PIP4K2A: variants seen among roughly 807,000 people sequenced by gnomAD.
The protein encoded by PIP4K2A is phosphatidylinositol 5-phosphate 4-kinase type-2 alpha.
PIP4K2A carries 14 observed loss-of-function variants against 42.9 expected under a neutral mutation model. The observed-to-expected ratio is 0.33, with a 90% CI of 0.22 to 0.51. The LOEUF is 0.51. Among genes scored for constraint, PIP4K2A ranks in the 20% least tolerant of loss-of-function variants. The pLI is 0.97. For synonymous variants in PIP4K2A, 192 were observed against 192.2 expected, an observed-to-expected ratio of 1.00 and a Z score of 0.01; for missense variants, 434 against 519.8, an observed-to-expected ratio of 0.83 and a Z score of 1.61.
At chr10:22,681,191 CTT>C (rs1839654576) in intron 1 of PIP4K2A, among the ~76,000 whole-genome samples, 1 of 152,208 alleles carries the variant, frequency 6.6e-6, no homozygotes, top group African/African-American at 2.4e-5. Context: ...GGATTTCACT[CTT>C]TTAAAGATTC....
chr10:22,669,397 G>A (rs185685284), intron 1 of PIP4K2A, among the ~76,000 whole-genome samples: 88 of 152,000 alleles, frequency 5.8e-4, no homozygotes, highest in Admixed American at 1.6e-3. Flanking sequence ...CAACGTAATC[G>A]CCTAACAACA....
intron 1 of PIP4K2A, among the ~76,000 whole-genome samples, chr10:22,710,438 G>A (rs970164065): frequency 6.6e-6 from 1 of 152,220 alleles, no homozygotes; most frequent in African/African-American, 2.4e-5. Context: ...CCAATCCCAA[G>A]TGGAATCCTT....
At chr10:22,695,816 T>A (rs889459081) in intron 1 of PIP4K2A, among the ~76,000 whole-genome samples, 1 of 152,184 alleles carries the variant, frequency 6.6e-6, no homozygotes, top group Non-Finnish European at 1.5e-5. Context: ...TGTTTTACTG[T>A]ATTGGTGCTT....
chr10:22,654,725 G>C (rs1329229200), intron 1 of PIP4K2A, among the ~76,000 whole-genome samples: 1 of 152,154 alleles, frequency 6.6e-6, no homozygotes, highest in Admixed American at 6.5e-5. Flanking sequence ...GTATAATTCT[G>C]GGCAGTTAAC....
At chr10:22,698,047 C>A (rs1840005711) in intron 1 of PIP4K2A, among the ~76,000 whole-genome samples, 1 of 152,154 alleles carries the variant, frequency 6.6e-6, no homozygotes, top group South Asian at 2.1e-4. Context: ...GGGATGCAGG[C>A]ACTCTCTGCT....
intron 1 of PIP4K2A, among the ~76,000 whole-genome samples, chr10:22,623,621 G>T (rs989613246): frequency 6.6e-6 from 1 of 152,180 alleles, no homozygotes; most frequent in Admixed American, 6.5e-5. Context: ...GGCAGGGGAC[G>T]TCCGTGCACT....
chr10:22,649,168 G>C (rs888937600), intron 1 of PIP4K2A, among the ~76,000 whole-genome samples: 8 of 152,120 alleles, frequency 5.3e-5, no homozygotes, highest in Non-Finnish European at 1.0e-4. Context: ...TCTCTAGAAG[G>C]CTTCGCCAGA....
At chr10:22,553,411 T>C (rs1474228741) in intron 6 of PIP4K2A, among the ~76,000 whole-genome samples, 4 of 152,196 alleles carry the variant, frequency 2.6e-5, no homozygotes, top group Non-Finnish European at 5.9e-5. Context: ...CTCCAGCCTG[T>C]TTCCATAGAT....
At chr10:22,563,665 T>C (rs1371019742) in intron 6 of PIP4K2A, among the ~76,000 whole-genome samples, 1 of 152,166 alleles carries the variant, frequency 6.6e-6, no homozygotes, top group Non-Finnish European at 1.5e-5. Flanking sequence ...TGTGGCATAG[T>C]GGTTAGAAAT....
At chr10:22,682,362 A>T (rs1369233405) in intron 1 of PIP4K2A, among the ~76,000 whole-genome samples, 2 of 152,226 alleles carry the variant, frequency 1.3e-5, no homozygotes, top group East Asian at 3.8e-4. Flanking sequence ...GGTAGCCCTC[A>T]AACCTCAAGT....
chr10:22,580,967 T>G (rs1398518579), intron 4 of PIP4K2A, among the ~76,000 whole-genome samples: 1 of 152,278 alleles, frequency 6.6e-6, no homozygotes, highest in African/African-American at 2.4e-5. Flanking sequence ...TGCAGACACT[T>G]TGAAGTCCCA....
At chr10:22,699,482 T>C (rs2040111261) in intron 1 of PIP4K2A, among the ~76,000 whole-genome samples, 1 of 151,634 alleles carries the variant, frequency 6.6e-6, no homozygotes, top group African/African-American at 2.4e-5. Context: ...CTGAACACAC[T>C]AGATACCTGG....
At position 22,590,179 on chromosome 10, in the gene PIP4K2A, C is replaced by A. The variant is rs192994397; in HGVS notation, c.492+1450G>T. Among the ~76,000 whole-genome samples, 8 of 152,310 alleles carry A rather than the reference C, an allele frequency of 5.3e-5. No individual in the cohort carries two copies. In the East Asian group the frequency reaches 1.5e-3, roughly 29 times the overall value. On this transcript the variant is annotated intron_variant, in intron 4 of 9. Coordinates refer to ENST00000376573, the MANE Select transcript of PIP4K2A (RefSeq NM_005028.5). The stretch of plus-strand genomic sequence containing the variant: ...ATACTGGCACCTTGATCTCAGACTT[C>A]AACCTCTAGAACTGTAAGAAATAGA...
At chr10:22,668,061 C>T (rs1383834510) in intron 1 of PIP4K2A, among the ~76,000 whole-genome samples, 1 of 152,104 alleles carries the variant, frequency 6.6e-6, no homozygotes, top group Non-Finnish European at 1.5e-5. Context: ...AAGCAATTCA[C>T]CTGCCTTAGC....
At chr10:22,590,254 C>A (rs1022961336) in intron 4 of PIP4K2A, among the ~76,000 whole-genome samples, 1 of 152,190 alleles carries the variant, frequency 6.6e-6, no homozygotes, top group Admixed American at 6.5e-5. Context: ...ACAGCTCAAG[C>A]TGACTAAGGT....
intron 1 of PIP4K2A, among the ~76,000 whole-genome samples, chr10:22,650,078 C>G (rs1053895939): frequency 1.3e-5 from 2 of 152,214 alleles, no homozygotes; most frequent in Non-Finnish European, 2.9e-5. Context: ...AACATTTGAC[C>G]AATAAAACTA....
At chr10:22,646,952 A>T (rs1017149574) in intron 1 of PIP4K2A, among the ~76,000 whole-genome samples, 1 of 133,582 alleles carries the variant, frequency 7.5e-6, no homozygotes, top group Non-Finnish European at 1.7e-5. Context: ...ACAAAACAAA[A>T]CAAAACAAAA....
At chr10:22,655,567 T>G (rs1839083858) in intron 1 of PIP4K2A, among the ~76,000 whole-genome samples, 1 of 152,264 alleles carries the variant, frequency 6.6e-6, no homozygotes, top group Non-Finnish European at 1.5e-5. Context: ...TTGATGTATT[T>G]CCTTCTAGGC....
intron 1 of PIP4K2A, among the ~76,000 whole-genome samples, chr10:22,692,504 T>G (rs184856230): frequency 4.6e-5 from 7 of 152,220 alleles, no homozygotes; most frequent in Admixed American, 1.3e-4. Flanking sequence ...ATTTGAGAAC[T>G]AGGGCAGGGT....
Sources: gnomAD v4.1 joint callset for allele counts (sites outside exome capture counted in the v4.1 genomes callset) on GRCh38, gnomAD v4.1.1 for gene constraint, MANE v1.5 for transcripts, NCBI Gene and HGNC (gene_info 2026-07-23, HGNC 2026-07-21) for gene names.